The following KCNA5 variants were observed in gnomAD, a reference collection of about 807,000 sequenced individuals.
KCNA5 encodes the protein cardiac potassium channel.
Under a neutral mutation model 26.5 loss-of-function variants are expected in KCNA5, and 22 were observed. That is an observed-to-expected ratio of 0.83 (90% CI 0.59 to 1.18). The LOEUF (loss-of-function observed/expected upper bound fraction) is 1.18, where lower values mean the gene tolerates loss of function less well. Among genes scored for constraint, KCNA5 ranks in the 50% most tolerant of loss-of-function variants. The probability of loss-of-function intolerance (pLI) is 0.00; values close to 1 mark genes in which losing one functional copy is unlikely to be tolerated. For synonymous variants in KCNA5, 465 were observed against 372.8 expected, an observed-to-expected ratio of 1.25 and a Z score of -2.85; for missense variants, 916 against 843.2, an observed-to-expected ratio of 1.09 and a Z score of -1.07.
At position 5,045,029 on chromosome 12, in the gene KCNA5, C is replaced by A. The variant is rs775137906; in HGVS notation, c.882C>A (p.Pro294=). 27 of 1,612,614 alleles carry A rather than the reference C, an allele frequency of 1.7e-5. No homozygotes were observed. The highest frequency in any genetic ancestry group is 2.2e-5 in the South Asian group (2 of 91,044). The change falls in exon 1 of 1, where the codon CCC becomes CCA. Residue 294 remains proline, a synonymous_variant. Coordinates refer to ENST00000252321, the MANE Select transcript of KCNA5 (RefSeq NM_002234.4). The surrounding 1 kb of genome is among the most constrained non-coding windows in gnomAD (Gnocchi z 5.6). ...HPPAPHQPPA[P]APGANGSGVM... is the part of the protein sequence containing the mutation. ...CGGCGCCCCACCAGCCTCCCGCGCCCGCCCCTGGGGCCAACGGCAGCGGGG... is the reference window on the plus strand; with the variant it reads ...CGGCGCCCCACCAGCCTCCCGCGCCAGCCCCTGGGGCCAACGGCAGCGGGG...
Position 5,044,762 on chromosome 12 carries a change from G to A in KCNA5, c.615G>A (p.Leu205=). 6 of 1,614,162 alleles carry A rather than the reference G, an allele frequency of 3.7e-6. No homozygotes were observed. The highest frequency in any genetic ancestry group is 5.1e-6 in the Non-Finnish European group (6 of 1,180,032). ...CGGACGAGATACGCTTCTACCAGCTGGGGGACGAGGCCATGGAGCGCTTCC... is the reference window on the plus strand; with the variant it reads ...CGGACGAGATACGCTTCTACCAGCTAGGGGACGAGGCCATGGAGCGCTTCC... The part of the protein sequence containing the change: ...VFADEIRFYQ[L]GDEAMERFRE... Residue 205 remains leucine, a synonymous_variant, in exon 1 of 1, where the codon CTG becomes CTA. Transcript: ENST00000252321.
chr12:5,044,945 C>A lies in KCNA5; in HGVS notation c.798C>A (p.Thr266=). The change falls in exon 1 of 1, where the codon ACC becomes ACA. Residue 266 remains threonine (T), a synonymous_variant. Transcript: ENST00000252321. ...SVLVILISII[T]FCLETLPEFR... Reference sequence around the variant, plus strand: ...TGGTTATCCTCATCTCCATCATCACCTTCTGCTTGGAGACCCTGCCTGAGT... The same window carrying A: ...TGGTTATCCTCATCTCCATCATCACATTCTGCTTGGAGACCCTGCCTGAGT... The A allele has an allele frequency of 1.2e-6, 2 of 1,613,684 alleles. No homozygotes were observed. Among genetic ancestry groups the A allele is most frequent in the South Asian group, 1.1e-5 (1 of 91,052 alleles).
Position 5,044,909 on chromosome 12 carries a change from C to G in KCNA5, c.762C>G (p.Ile254Met), listed in dbSNP as rs1257290068. ...ESSGSARAIA[I>M]VSVLVILISI... ...CTGGGTCCGCGCGGGCCATCGCCATCGTCTCGGTCTTGGTTATCCTCATCT... is the reference window on the plus strand; with the variant it reads ...CTGGGTCCGCGCGGGCCATCGCCATGGTCTCGGTCTTGGTTATCCTCATCT... Residue 254 changes from isoleucine to methionine, a missense_variant, in exon 1 of 1, where the codon ATC becomes ATG. Physicochemically the swap from Ile to Met is conservative, Grantham distance 10. Coordinates refer to ENST00000252321, the MANE Select transcript of KCNA5 (RefSeq NM_002234.4). The G allele has an allele frequency of 3.1e-6, 5 of 1,613,880 alleles. No homozygotes were observed. Among genetic ancestry groups the G allele is most frequent in the Non-Finnish European group, 3.4e-6 (4 of 1,179,992 alleles).
rs773432359 is a variant in KCNA5 at position 5,045,345 on chromosome 12, C to A, written c.1198C>A (p.Arg400=). The change falls in exon 1 of 1, where the codon CGA becomes AGA. Residue 400 remains arginine, a synonymous_variant. Coordinates refer to ENST00000252321, the MANE Select transcript of KCNA5 (RefSeq NM_002234.4). The surrounding 1 kb of genome is among the most constrained non-coding windows in gnomAD (Gnocchi z 5.6). The part of the protein sequence containing the change: ...GQQAMSLAIL[R]VIRLVRVFRI... The stretch of plus-strand genomic sequence containing the variant: ...GCAGGCCATGTCCCTGGCCATCCTC[C>A]GAGTCATCCGCCTGGTCCGGGTGTT... 3 of 1,613,912 alleles carry A rather than the reference C, an allele frequency of 1.9e-6. No individual in the cohort carries two copies. The Admixed American group carries it at 5.0e-5, about 27-fold the overall frequency.
In KCNA5 at chr12:5,045,628, A is replaced by C; in HGVS notation, c.1481A>C (p.Lys494Thr). The C allele has an allele frequency of 6.2e-7, 1 of 1,614,186 alleles. No individual in the cohort carries two copies. Among genetic ancestry groups the C allele is most frequent in the South Asian group, 1.1e-5 (1 of 91,070 alleles). ...ATGAGGCCCATCACTGTTGGGGGCA[A>C]GATCGTGGGCTCGCTGTGTGCCATC... ...GDMRPITVGG[K>T]IVGSLCAIAG... The change falls in exon 1 of 1, where the codon AAG (lysine) becomes ACG (threonine). Residue 494 changes from lysine (K) to threonine (T), a missense_variant. By Grantham distance (78) the Lys-to-Thr change is moderately conservative. Coordinates refer to ENST00000252321, the MANE Select transcript of KCNA5 (RefSeq NM_002234.4). This position sits in a 1 kb window ranked among gnomAD's most constrained non-coding sequence, Gnocchi z 5.6.
rs1421667662 is a variant in KCNA5 at position 5,045,494 on chromosome 12, C to T, written c.1347C>T (p.Ser449=). The T allele has an allele frequency of 3.1e-6, 5 of 1,614,126 alleles. No homozygotes were observed. Among genetic ancestry groups the T allele is most frequent in the Non-Finnish European group, 4.2e-6 (5 of 1,180,056 alleles). Residue 449 remains serine, a synonymous_variant, in exon 1 of 1, where the codon TCC becomes TCT. Transcript: ENST00000252321. The surrounding 1 kb of genome is among the most constrained non-coding windows in gnomAD (Gnocchi z 5.6). ...TCTTCATCGGGGTCATCCTCTTCTC[C>T]AGTGCCGTCTACTTCGCAGAGGCTG... is the stretch of plus-strand genomic sequence containing the variant. ...FFLFIGVILF[S]SAVYFAEADN...
Position 5,044,249 on chromosome 12 carries a change from C to T in KCNA5, c.102C>T (p.Leu34=). The change falls in exon 1 of 1, where the codon CTC becomes CTT. Residue 34 remains leucine (L), a synonymous_variant. Coordinates refer to ENST00000252321, the MANE Select transcript of KCNA5 (RefSeq NM_002234.4). ...AGCGQATGGE[L]QCPPTAGLSD... is the part of the protein sequence containing the mutation. Reference sequence around the variant, plus strand: ...GCGGCCAGGCCACAGGGGGAGAGCTCCAGTGTCCCCCGACGGCTGGGCTCA... The same window carrying T: ...GCGGCCAGGCCACAGGGGGAGAGCTTCAGTGTCCCCCGACGGCTGGGCTCA... The T allele has an allele frequency of 1.3e-6, 2 of 1,539,810 alleles. No individual in the cohort carries two copies. The highest frequency in any genetic ancestry group is 2.4e-5 in the East Asian group (1 of 41,256).
At position 5,046,389 on chromosome 12, in the gene KCNA5, AG is replaced by A; in HGVS notation, c.*404del. ...TTTACATATGATTGTATTTGTGTAT[AG>A]GGGAAAATATTATTTTTATGCCTGG... On this transcript the variant is annotated 3_prime_UTR_variant, in exon 1 of 1. Coordinates refer to ENST00000252321, the MANE Select transcript of KCNA5 (RefSeq NM_002234.4). 4.1e-6 allele frequency: 1 copy of A among 246,252 alleles called. No individual in the cohort carries two copies. Among genetic ancestry groups the A allele is most frequent in the South Asian group, 7.2e-5 (1 of 13,872 alleles). 15.3% of individuals were successfully genotyped at this position (246,252 alleles called of 1,614,324 possible).
In KCNA5 at chr12:5,044,933, C is replaced by T. The variant is rs747977477; in HGVS notation, c.786C>T (p.Ile262=). The T allele has an allele frequency of 1.2e-6, 2 of 1,613,792 alleles. No individual in the cohort carries two copies. The highest frequency in any genetic ancestry group is 1.7e-5 in the Admixed American group (1 of 60,022). The change falls in exon 1 of 1, where the codon ATC becomes ATT. Residue 262 remains isoleucine (I), a synonymous_variant. Transcript: ENST00000252321. The stretch of plus-strand genomic sequence containing the variant: ...TCGTCTCGGTCTTGGTTATCCTCAT[C>T]TCCATCATCACCTTCTGCTTGGAGA... ...IAIVSVLVIL[I]SIITFCLETL...
chr12:5,044,359 C>T lies in KCNA5; in HGVS notation c.212C>T (p.Pro71Leu), dbSNP rs572649186. The change falls in exon 1 of 1, where the codon CCG becomes CTG. Residue 71 changes from proline (P) to leucine (L), a missense_variant. Coordinates refer to ENST00000252321, the MANE Select transcript of KCNA5 (RefSeq NM_002234.4). ...GGAGTGCGGCCCTTGCCTCCGCTGC[C>T]GGACCCGGGAGTGCGGCCCTTGCCT... ...DSGVRPLPPL[P>L]DPGVRPLPPL... is the part of the protein sequence containing the mutation. 3.2e-6 allele frequency: 5 copies of T among 1,549,362 alleles called. No homozygotes were observed. The African/African-American group carries it at 6.8e-5, about 21-fold the overall frequency.
chr12:5,044,132 C>T lies in KCNA5; in HGVS notation c.-16C>T, dbSNP rs370869114. 4 of 1,534,142 alleles carry T rather than the reference C, an allele frequency of 2.6e-6. No homozygotes were observed. The highest frequency in any genetic ancestry group is 2.2e-4 in the Middle Eastern group (1 of 4,534). On this transcript the variant is annotated 5_prime_UTR_variant, in exon 1 of 1. Coordinates refer to ENST00000252321, the MANE Select transcript of KCNA5 (RefSeq NM_002234.4). ...GCCGGTCAGCTGGGGCGCAGCATGC[C>T]CTCTGCTCCCGCGCCATGGAGATCG...
rs1415608098 is a variant in KCNA5 at position 5,044,159 on chromosome 12, C to A, written c.12C>A (p.Ala4=). 1 of 1,535,756 alleles carries A rather than the reference C, an allele frequency of 6.5e-7. No homozygotes were observed. The part of the protein sequence containing the change: MEI[A]LVPLENGGAM... The stretch of plus-strand genomic sequence containing the variant: ...TCTGCTCCCGCGCCATGGAGATCGC[C>A]CTGGTGCCCCTGGAGAACGGCGGTG... Residue 4 remains alanine, a synonymous_variant, in exon 1 of 1, where the codon GCC becomes GCA. Coordinates refer to ENST00000252321, the MANE Select transcript of KCNA5 (RefSeq NM_002234.4).
In KCNA5 at chr12:5,046,777, T is replaced by C. The variant is rs1862782478; in HGVS notation, c.*788T>C. ...TTATCCCAGGAAATAAAAGGTTACC[T>C]TGTTGAGGCAAGTGTTAGTTTTTCT... On this transcript the variant is annotated 3_prime_UTR_variant, in exon 1 of 1. Coordinates refer to ENST00000252321, the MANE Select transcript of KCNA5 (RefSeq NM_002234.4). 1 of 155,806 alleles carries C rather than the reference T, an allele frequency of 6.4e-6. No homozygotes were observed. Among genetic ancestry groups the C allele is most frequent in the African/African-American group, 2.4e-5 (1 of 41,472 alleles). The allele number at this position is 155,806 out of a possible 1,614,324, so 9.7% of individuals were successfully genotyped here.
At position 5,045,923 on chromosome 12, in the gene KCNA5, C is replaced by T. The variant is rs768185530; in HGVS notation, c.1776C>T (p.Ser592=). 6.2e-7 allele frequency: 1 copy of T among 1,613,972 alleles called. No individual in the cohort carries two copies. Among genetic ancestry groups the T allele is most frequent in the Non-Finnish European group, 8.5e-7 (1 of 1,180,042 alleles). ...AGAAGTGTAACGTCAAGGCCAAGAG[C>T]AACGTGGACTTGCGGAGGTCCCTTT... The part of the protein sequence containing the change: ...PLEKCNVKAK[S]NVDLRRSLYA... Residue 592 remains serine, a synonymous_variant, in exon 1 of 1, where the codon AGC becomes AGT. Transcript: ENST00000252321. The surrounding 1 kb of genome is among the most constrained non-coding windows in gnomAD (Gnocchi z 5.6).
At position 5,045,684 on chromosome 12, in the gene KCNA5, C is replaced by T. The variant is rs1261317505; in HGVS notation, c.1537C>T (p.Pro513Ser). 2 of 1,614,168 alleles carry T rather than the reference C, an allele frequency of 1.2e-6. No individual in the cohort carries two copies. The highest frequency in any genetic ancestry group is 1.7e-5 in the Admixed American group (1 of 60,026). ...AGVLTIALPV[P>S]VIVSNFNYFY... ...GGTCCTCACCATTGCCCTGCCTGTG[C>T]CCGTCATCGTCTCCAACTTCAACTA... The change falls in exon 1 of 1, where the codon CCC becomes TCC. Residue 513 changes from proline (P) to serine (S), a missense_variant. By Grantham distance (74) the Pro-to-Ser change is moderately conservative. Transcript: ENST00000252321. This position sits in a 1 kb window ranked among gnomAD's most constrained non-coding sequence, Gnocchi z 5.6.
In KCNA5 at chr12:5,045,717, C is replaced by T. The variant is rs1436469151; in HGVS notation, c.1570C>T (p.His524Tyr). The T allele has an allele frequency of 2.5e-6, 4 of 1,614,174 alleles. No individual in the cohort carries two copies. Among genetic ancestry groups the T allele is most frequent in the Non-Finnish European group, 3.4e-6 (4 of 1,180,034 alleles). ...VIVSNFNYFY[H>Y]RETDHEEPAV... is the part of the protein sequence containing the mutation. ...CGTCTCCAACTTCAACTACTTCTAC[C>T]ACCGGGAAACGGATCACGAGGAGCC... is the stretch of plus-strand genomic sequence containing the variant. The change falls in exon 1 of 1, where the codon CAC (histidine) becomes TAC (tyrosine). Residue 524 changes from histidine (H) to tyrosine (Y), a missense_variant. By Grantham distance (83) the His-to-Tyr change is moderately conservative (BLOSUM62 2). Transcript: ENST00000252321. The surrounding 1 kb of genome is among the most constrained non-coding windows in gnomAD (Gnocchi z 5.6).
rs1029978358 is a variant in KCNA5 at position 5,043,977 on chromosome 12, G to A, written c.-171G>A. On this transcript the variant is annotated 5_prime_UTR_variant, in exon 1 of 1. Transcript: ENST00000252321. Reference sequence around the variant, plus strand: ...GAGAGAGGCAGAGAGCAGGGCAGCGGCTTCTTGACGTCAGGGCCAAGCGAG... The same window carrying A: ...GAGAGAGGCAGAGAGCAGGGCAGCGACTTCTTGACGTCAGGGCCAAGCGAG... 3.0e-6 allele frequency: 2 copies of A among 671,248 alleles called. No individual in the cohort carries two copies. The highest frequency in any genetic ancestry group is 3.7e-5 in the African/African-American group (2 of 54,750). 41.6% of individuals were successfully genotyped at this position (671,248 alleles called of 1,614,324 possible). A position where few individuals can be genotyped will look rare whatever the true frequency, so the allele number is the denominator to read the frequency against.
chr12:5,044,747 A>G lies in KCNA5; in HGVS notation c.600A>G (p.Ile200Met). Reference protein sequence around the residue: ...NVSLDVFADEIRFYQLGDEAM... With the variant: ...NVSLDVFADEMRFYQLGDEAM... ...CCCTGGACGTGTTCGCGGACGAGAT[A>G]CGCTTCTACCAGCTGGGGGACGAGG... The change falls in exon 1 of 1, where the codon ATA becomes ATG. Residue 200 changes from isoleucine (I) to methionine (M), a missense_variant. By Grantham distance (10) the Ile-to-Met change is conservative. Coordinates refer to ENST00000252321, the MANE Select transcript of KCNA5 (RefSeq NM_002234.4). The G allele has an allele frequency of 6.2e-7, 1 of 1,614,072 alleles. No individual in the cohort carries two copies. Among genetic ancestry groups the G allele is most frequent in the Non-Finnish European group, 8.5e-7 (1 of 1,179,992 alleles).
chr12:5,046,196 C>G lies in KCNA5; in HGVS notation c.*207C>G. ...AAGGGTCGCCTATTTTTAAAAAGTA[C>G]CACATTCCATGACGCAGGAGCTGTG... On this transcript the variant is annotated 3_prime_UTR_variant, in exon 1 of 1. Coordinates refer to ENST00000252321, the MANE Select transcript of KCNA5 (RefSeq NM_002234.4). 1 of 671,770 alleles carries G rather than the reference C, an allele frequency of 1.5e-6. No individual in the cohort carries two copies. Among genetic ancestry groups the G allele is most frequent in the South Asian group, 1.8e-5 (1 of 56,358 alleles). The allele number at this position is 671,770 out of a possible 1,614,324, so 41.6% of individuals were successfully genotyped here. A position where few individuals can be genotyped will look rare whatever the true frequency, so the allele number is the denominator to read the frequency against.
Sources: allele counts gnomAD v4.1 joint callset, GRCh38; gene constraint gnomAD v4.1.1; non-coding constraint Gnocchi (gnomAD v3.1); transcripts MANE v1.5; gene names NCBI Gene and HGNC (gene_info 2026-07-23, HGNC 2026-07-21).